ROR2: variants seen among roughly 807,000 people sequenced by gnomAD.
ROR2 encodes tyrosine-protein kinase transmembrane receptor ROR2.
A neutral mutation model predicts 74.9 loss-of-function variants in ROR2; 33 were observed. The ratio of observed to expected loss-of-function variants is 0.44; its 90% CI spans 0.33 to 0.59. The LOEUF (loss-of-function observed/expected upper bound fraction) is 0.59, where lower values mean the gene tolerates loss of function less well. ROR2 is among the 20% of genes least tolerant of loss of function. The pLI, the probability that ROR2 is intolerant of heterozygous loss-of-function variation, is 0.02. For missense variants in ROR2, 1,216 were observed against 1,313.8 expected (o/e 0.93, Z 1.15); for synonymous variants, 586 against 558.7 (o/e 1.05, Z -0.69).
intron 1 of ROR2, among the ~76,000 whole-genome samples, chr9:91,792,620 T>G (rs1415537160): frequency 6.6e-6 from 1 of 152,172 alleles, no homozygotes; most frequent in African/African-American, 2.4e-5. Flanking sequence ...GCCTGGTTCT[T>G]TGAAAAGATA....
chr9:91,949,231 T>G (rs552007031), intron 1 of ROR2, among the ~76,000 whole-genome samples: 2 of 150,072 alleles, frequency 1.3e-5, no homozygotes, highest in East Asian at 2.0e-4. Context: ...CCCAGAGCGG[T>G]GGGGGAGAGG....
chr9:91,882,672 G>A (rs893274330), intron 1 of ROR2, among the ~76,000 whole-genome samples: 1 of 152,066 alleles, frequency 6.6e-6, no homozygotes, highest in African/African-American at 2.4e-5. Context: ...CTGTGTTTGG[G>A]GATAAGGTTT....
intron 1 of ROR2, among the ~76,000 whole-genome samples, chr9:91,780,556 G>A (rs1477282139): frequency 2.0e-5 from 3 of 152,166 alleles, no homozygotes; most frequent in Admixed American, 6.5e-5. Context: ...GGGAGGTCGA[G>A]GCCTCGGGTG....
chr9:91,909,838 G>GTTTT (rs1278227036), intron 1 of ROR2, among the ~76,000 whole-genome samples: 37 of 63,212 alleles, frequency 5.9e-4, no homozygotes, highest in Middle Eastern at 0.012. Flanking sequence ...TTTTTTTTAG[G>GTTTT]TTTGTTTTGT....
intron 1 of ROR2, among the ~76,000 whole-genome samples, chr9:91,807,964 G>C (rs1319620291): frequency 6.6e-6 from 1 of 152,104 alleles, no homozygotes; most frequent in African/African-American, 2.4e-5. Flanking sequence ...TGCTCACCCA[G>C]GGCTAGCTCG....
intron 1 of ROR2, among the ~76,000 whole-genome samples, chr9:91,836,539 C>CAAAAAAAAAAAAAAAAAAAAAAAAAAA (rs753563302): frequency 1.3e-4 from 13 of 102,478 alleles, no homozygotes; most frequent in African/African-American, 4.0e-4. Context: ...GATTCCATCT[C>CAAAAAAAAAAAAAAAAAAAAAAAAAAA]AAAAAAAAAA....
chr9:91,736,350 T>C (rs1350935476), intron 5 of ROR2, among the ~76,000 whole-genome samples: 1 of 152,224 alleles, frequency 6.6e-6, no homozygotes, highest in Non-Finnish European at 1.5e-5. Context: ...TAGAAGGGCT[T>C]GTCAGTGACA....
intron 1 of ROR2, among the ~76,000 whole-genome samples, chr9:91,936,706 A>G (rs1027097313): frequency 2.0e-5 from 3 of 152,222 alleles, no homozygotes; most frequent in African/African-American, 7.2e-5. Context: ...AAGCAGCTCT[A>G]ATCTTATTTC....
intron 1 of ROR2, among the ~76,000 whole-genome samples, chr9:91,801,327 C>G (rs573401896): frequency 2.6e-5 from 4 of 152,006 alleles, no homozygotes; most frequent in African/African-American, 7.2e-5. Flanking sequence ...AAAATTTGCA[C>G]GCTTTTTTAT....
At chr9:91,826,052 T>C (rs1013397057) in intron 1 of ROR2, among the ~76,000 whole-genome samples, 21 of 152,212 alleles carry the variant, frequency 1.4e-4, no homozygotes, top group Non-Finnish European at 2.6e-4. Flanking sequence ...GGAATGTCGA[T>C]GTCTTATGTT....
chr9:91,752,368 G>A (rs551700656), intron 4 of ROR2, among the ~76,000 whole-genome samples: 15 of 152,264 alleles, frequency 9.9e-5, no homozygotes, highest in Middle Eastern at 3.4e-3. Flanking sequence ...AAATCAACGC[G>A]TATGTTCATA....
At chr9:91,769,569 G>A (rs1162713540) in intron 2 of ROR2, among the ~76,000 whole-genome samples, 1 of 152,090 alleles carries the variant, frequency 6.6e-6, no homozygotes, top group Non-Finnish European at 1.5e-5. Flanking sequence ...CGTGAGACTG[G>A]GTGTCATAGC....
intron 1 of ROR2, among the ~76,000 whole-genome samples, chr9:91,891,541 T>C (rs1382111023): frequency 6.6e-6 from 1 of 152,090 alleles, no homozygotes; most frequent in African/African-American, 2.4e-5. Flanking sequence ...AGTGCGGGGA[T>C]TACAGGCGTG....
At chr9:91,941,827 G>A (rs1831880433) in intron 1 of ROR2, among the ~76,000 whole-genome samples, 1 of 136,016 alleles carries the variant, frequency 7.4e-6, no homozygotes, top group African/African-American at 2.8e-5. Flanking sequence ...GTGTTGCTCT[G>A]CTGCCCAGAC....
At chr9:91,891,330 T>C (rs1352092308) in intron 1 of ROR2, among the ~76,000 whole-genome samples, 2 of 151,506 alleles carry the variant, frequency 1.3e-5, no homozygotes, top group African/African-American at 4.9e-5. Context: ...ACGATCTCAC[T>C]GCAACCTCTG....
At chr9:91,809,225 T>A (rs1026688023) in intron 1 of ROR2, among the ~76,000 whole-genome samples, 1 of 152,160 alleles carries the variant, frequency 6.6e-6, no homozygotes, top group Admixed American at 6.5e-5. Context: ...TTTATGCCAA[T>A]ATTCCCTGGA....
At chr9:91,755,923 G>T in intron 4 of ROR2, 148 bp downstream of exon 4, 1 of 784,964 alleles carries the variant, frequency 1.3e-6, no homozygotes, top group Non-Finnish European at 2.3e-6. Context: ...CCAACCCTAA[G>T]CAAGCACGTG....
At position 91,737,470 on chromosome 9, in the gene ROR2, G is replaced by A; in HGVS notation, c.543C>T (p.Ala181=). 1 of 1,614,184 alleles carries A rather than the reference G, an allele frequency of 6.2e-7. No homozygotes were observed. The highest frequency in any genetic ancestry group is 8.5e-7 in the Non-Finnish European group (1 of 1,180,036). The change falls in exon 5 of 9, where the codon GCC becomes GCT. Residue 181 remains alanine, a synonymous_variant. Transcript: ENST00000375708. ...DGFCQPYRGI[A]CARFIGNRTI... The stretch of plus-strand genomic sequence containing the variant: ...TCCGGTTGCCAATGAAGCGTGCACA[G>A]GCAATTCCCCGGTAAGGCTGGCAGA...
chr9:91,928,917 A>C (rs1831478549), intron 1 of ROR2, among the ~76,000 whole-genome samples: 1 of 152,244 alleles, frequency 6.6e-6, no homozygotes, highest in African/African-American at 2.4e-5. Context: ...AAAAGCCGTC[A>C]TGTCAATTAT....
Sources: allele counts gnomAD v4.1 joint callset (sites outside exome capture counted in the v4.1 genomes callset), GRCh38; gene constraint gnomAD v4.1.1; transcripts MANE v1.5; gene names NCBI Gene and HGNC (gene_info 2026-07-23, HGNC 2026-07-21).